Variants in LILRB3 observed in about 807,000 individuals in gnomAD.
LILRB3 encodes the protein leukocyte immunoglobulin-like receptor subfamily B member 3.
A neutral mutation model predicts 68.2 loss-of-function variants in LILRB3; 32 were observed. The observed-to-expected ratio is 0.47, with a 90% CI of 0.35 to 0.63. The LOEUF (loss-of-function observed/expected upper bound fraction) is 0.63. Ranked by LOEUF, LILRB3 falls within the 30% of genes least tolerant of loss-of-function variation. The pLI, the probability that LILRB3 is intolerant of heterozygous loss-of-function variation, is 0.00. For missense variants in LILRB3, 502 were observed against 791.3 expected (o/e 0.63, Z 4.39); for synonymous variants, 185 against 323.1 (o/e 0.57, Z 4.58).
At chr19:54,219,446 C>T (rs543555565) in intron 7 of LILRB3, 1,885 of 1,532,216 alleles carry the variant, frequency 1.2e-3, no homozygotes, top group Non-Finnish European at 1.5e-3. Context: ...AGGCCTCCAG[C>T]GAGGAAGCGG....
At chr19:54,219,890 G>C in intron 7 of LILRB3, 1 of 1,548,614 alleles carries the variant, frequency 6.5e-7, no homozygotes, top group South Asian at 1.2e-5. Flanking sequence ...CCTGACCCTG[G>C]GGGGTTAAGG....
chr19:54,216,857 G>GT lies in LILRB3; in HGVS notation c.*235dup, dbSNP rs1360245366. On this transcript the variant is annotated 3_prime_UTR_variant, in exon 13 of 13. Coordinates refer to ENST00000445347, the Ensembl canonical transcript of LILRB3. ...GCCTTTACGTCTGTTTTTGTTTTTTGTTTTTTTGTTATTAACTCATTGATT... is the reference window on the plus strand; with the variant it reads ...GCCTTTACGTCTGTTTTTGTTTTTTGTTTTTTTTGTTATTAACTCATTGATT... 112 of 1,414,400 alleles carry GT rather than the reference G, an allele frequency of 7.9e-5. No homozygotes were observed. In the South Asian group the frequency reaches 1.3e-3, roughly 17 times the overall value. The allele number at this position is 1,414,400 out of a possible 1,614,324, so 87.6% of individuals were successfully genotyped here.
At chr19:54,218,918 A>G in intron 8 of LILRB3, 80 bp from the exon 9 acceptor site, 1 of 1,597,084 alleles carries the variant, frequency 6.3e-7, no homozygotes, top group Non-Finnish European at 8.5e-7. Flanking sequence ...GGAAAGAAGG[A>G]AAACTAAAAA....
At chr19:54,216,689 G>GT (rs72464903) in exon 13 of LILRB3, 95,992 of 665,760 alleles carry the variant, frequency 0.14, 45 homozygotes, top group Non-Finnish European at 0.16. Context: ...AACATTCACT[G>GT]TTTTTTTTTT....
At chr19:54,218,541 C>T (rs559393731) in intron 10 of LILRB3, 104 bp downstream of exon 10, 528 of 1,603,644 alleles carry the variant, frequency 3.3e-4, no homozygotes, top group Non-Finnish European at 3.8e-4. Context: ...GCAAGACCAT[C>T]TTCCACGGAG....
At chr19:54,216,894 T>C in exon 13 of LILRB3, 1 of 1,438,244 alleles carries the variant, frequency 7.0e-7, no homozygotes, top group Non-Finnish European at 9.1e-7. Flanking sequence ...TTGAGAAGTC[T>C]GTTGCTTTAT....
At chr19:54,219,342 C>A in intron 7 of LILRB3, 97 bp from the exon 8 acceptor site, 1 of 1,481,254 alleles carries the variant, frequency 6.8e-7, no homozygotes, top group Non-Finnish European at 9.1e-7. Context: ...GACCTCCAAC[C>A]CTCACAAGCA....
chr19:54,217,083 AC>A (rs751346703), exon 13 of LILRB3: 6 of 1,613,214 alleles, frequency 3.7e-6, no homozygotes, highest in South Asian at 1.1e-5. Context: ...GGGTCTGCGT[AC>A]CCCCCGGGCT....
intron 5 of LILRB3, 23 bp downstream of exon 5, chr19:54,221,060 A>C: frequency 7.3e-7 from 1 of 1,369,960 alleles, no homozygotes; most frequent in East Asian, 4.1e-5. Context: ...TGGGTCCCTG[A>C]CTGAACCCGC....
At chr19:54,219,242 A>T in exon 8 of LILRB3, 1 of 1,568,790 alleles carries the variant, frequency 6.4e-7, no homozygotes, top group Admixed American at 2.0e-5. Context: ...GTATCTTCCC[A>T]GACCTTGACA....
intron 8 of LILRB3, 118 bp downstream of exon 8, chr19:54,219,011 A>G (rs1391540776): frequency 2.6e-6 from 4 of 1,525,526 alleles, no homozygotes; most frequent in African/African-American, 1.4e-5. Context: ...GCGTATTGAA[A>G]TTACGTGCCC....
exon 13 of LILRB3, chr19:54,216,728 G>T (rs1568929183): frequency 1.8e-6 from 2 of 1,134,180 alleles, no homozygotes; most frequent in South Asian, 5.6e-5. Flanking sequence ...CTGTCACACA[G>T]GCTGGAGTGC....
rs1406512695 is a variant in LILRB3 at position 54,219,974 on chromosome 19, C to T, written c.1309+181G>A. 1.6e-5 allele frequency: 21 copies of T among 1,287,520 alleles called. 3 individuals are homozygous for T. The highest frequency in any genetic ancestry group is 1.9e-4 in the Middle Eastern group (1 of 5,144). 79.8% of individuals were successfully genotyped at this position (1,287,520 alleles called of 1,614,324 possible). ...GGCTGTCTTGCCCCCCACATCAGCC[C>T]GGCTCCTCCTCCTGGCTGGGCCCCA... On this transcript the variant is annotated intron_variant, in intron 7 of 12. Transcript: ENST00000445347.
At chr19:54,219,384 C>T in intron 7 of LILRB3, 139 bp from the exon 8 acceptor site, 2 of 1,459,006 alleles carry the variant, frequency 1.4e-6, no homozygotes, top group East Asian at 2.5e-5. Flanking sequence ...ACCCGTACAA[C>T]CCATTTCACA....
rs1304471606 is a variant in LILRB3, at chr19:54,217,675, G to A, written c.1594-201C>T. ...TCCTCACTCTGACCTTGCCCATTTG[G>A]CTGCAGCCTCACAGGCCTTCCTGCA... On this transcript the variant is annotated intron_variant, in intron 11 of 12. Transcript: ENST00000445347. The A allele has an allele frequency of 6.2e-6, 6 of 960,208 alleles. No homozygotes were observed. The East Asian group carries it at 1.3e-4, about 21-fold the overall frequency. 59.5% of individuals were successfully genotyped at this position (960,208 alleles called of 1,614,324 possible). A position where few individuals can be genotyped will look rare whatever the true frequency, so the allele number is the denominator to read the frequency against.
chr19:54,219,272 AATG>A (rs1433553769), intron 7 of LILRB3, 27 bp from the exon 8 acceptor site: 8 of 1,527,076 alleles, frequency 5.2e-6, no homozygotes, highest in Admixed American at 2.2e-5. Context: ...CAGGAGTGGG[AATG>A]ATGTCATTGA....
chr19:54,222,190 G>T, intron 3 of LILRB3, 60 bp from the exon 4 acceptor site: 1 of 1,611,170 alleles, frequency 6.2e-7, no homozygotes, highest in South Asian at 1.1e-5. Flanking sequence ...CATCCCCAGG[G>T]CTGGGCTGTG....
In LILRB3 at chr19:54,217,498, G is replaced by C. The variant is rs1331703798; in HGVS notation, c.1594-24C>G. On this transcript the variant is annotated intron_variant, in intron 11 of 12. Transcript: ENST00000445347. ...CTCTGCTGGAGAGAGACAGTGGTGGGGGGTGTCCTTGAGTCCCCCTGACCT... is the reference window on the plus strand; with the variant it reads ...CTCTGCTGGAGAGAGACAGTGGTGGCGGGTGTCCTTGAGTCCCCCTGACCT... The C allele has an allele frequency of 1.9e-6, 3 of 1,596,530 alleles. No individual in the cohort carries two copies. The Admixed American group carries it at 5.1e-5, about 27-fold the overall frequency.
At chr19:54,222,526 C>T (rs759414644) in exon 3 of LILRB3, 1 of 1,610,602 alleles carries the variant, frequency 6.2e-7, no homozygotes, top group Non-Finnish European at 8.5e-7. Context: ...GATCACAGAG[C>T]CTGGCTCAGC....
Sources: gnomAD v4.1 joint callset for allele counts on GRCh38, gnomAD v4.1.1 for gene constraint, MANE v1.5 for transcripts, NCBI Gene and HGNC (gene_info 2026-07-23, HGNC 2026-07-21) for gene names.